Variants in ICAM2 observed in about 807,000 individuals in gnomAD.
ICAM2 encodes intercellular adhesion molecule 2.
In ICAM2, 14 loss-of-function variants were observed where a neutral mutation model predicts 19.1. That is an observed-to-expected ratio of 0.73 (90% CI 0.48 to 1.15). The LOEUF (loss-of-function observed/expected upper bound fraction) is 1.15. ICAM2 is among the 50% of genes most tolerant of loss of function. The pLI is 0.00. For missense variants in ICAM2, 311 were observed against 355.4 expected (o/e 0.88, Z 1.00); for synonymous variants, 153 against 152.7 (o/e 1.00, Z -0.01).
rs1238588394 is a variant in ICAM2 at position 64,018,760 on chromosome 17, C to T, written c.-45+1763G>A. On this transcript the variant is annotated intron_variant, in intron 1 of 4. Transcript: ENST00000579788. ...TTTTTGAGACGGGGTCTCGTTGTGT[C>T]GCCCAGGCTGGAGTGCAGTGGCGCG... is the stretch of plus-strand genomic sequence containing the variant. Among the ~76,000 whole-genome samples the T allele has an allele frequency of 1.1e-4, 13 of 116,098 alleles. No individual in the cohort carries two copies. In the South Asian group the frequency reaches 3.3e-3, roughly 30 times the overall value. The allele number at this position is 116,098 out of a possible 152,430, so 76.2% of individuals were successfully genotyped here.
chr17:64,011,115 GA>G (rs71357063), intron 1 of ICAM2, among the ~76,000 whole-genome samples: 3 of 152,034 alleles, frequency 2.0e-5, no homozygotes, highest in Admixed American at 6.6e-5. Context: ...AGAGAAAGAT[GA>G]AAAAAATAAA....
chr17:64,012,164 A>G (rs1911480225), intron 1 of ICAM2, among the ~76,000 whole-genome samples: 3 of 152,212 alleles, frequency 2.0e-5, no homozygotes. Flanking sequence ...TAAGACAGGC[A>G]TAGAAAGGCA....
chr17:64,005,553 C>G (rs1019710842), intron 2 of ICAM2, among the ~76,000 whole-genome samples, 180 bp from the exon 3 acceptor site: 9 of 152,082 alleles, frequency 5.9e-5, no homozygotes, highest in African/African-American at 2.2e-4. Flanking sequence ...AGGAGGCCAC[C>G]CCCCAGCTGG....
intron 1 of ICAM2, among the ~76,000 whole-genome samples, chr17:64,010,572 C>T (rs1474497937): frequency 2.6e-5 from 4 of 151,118 alleles, no homozygotes; most frequent in Non-Finnish European, 5.9e-5. Flanking sequence ...AATTGTGTAC[C>T]CAGCAAAACC....
chr17:64,005,476 G>A, intron 2 of ICAM2, 103 bp from the exon 3 acceptor site: 1 of 1,343,818 alleles, frequency 7.4e-7, no homozygotes, highest in Admixed American at 2.1e-5. Context: ...AGGGACTGAA[G>A]AGGAAAGGTC....
chr17:64,003,132 C>T lies in ICAM2; in HGVS notation c.650-207G>A, dbSNP rs557034380. The T allele has an allele frequency of 7.1e-6, 4 of 561,870 alleles. No homozygotes were observed. In the East Asian group the frequency reaches 1.2e-4, roughly 16 times the overall value. 34.8% of individuals were successfully genotyped at this position (561,870 alleles called of 1,614,324 possible). A position where few individuals can be genotyped will look rare whatever the true frequency, so the allele number is the denominator to read the frequency against. ...GAAAAAAGGTGGCCCAGGGCTCAGG[C>T]TACCAGCTGGACTTCTGTGTGGCTG... On this transcript the variant is annotated intron_variant, in intron 4 of 4. Transcript: ENST00000579788.
rs531177739 is a variant in ICAM2 at position 64,005,484 on chromosome 17, G to A, written c.62-111C>T. The A allele has an allele frequency of 8.7e-5, 107 of 1,229,828 alleles. No homozygotes were observed. In the East Asian group the frequency reaches 2.5e-3, roughly 29 times the overall value. The allele number at this position is 1,229,828 out of a possible 1,614,324, so 76.2% of individuals were successfully genotyped here. ...CTGGGTCAGGGACTGAAGAGGAAAG[G>A]TCATTGGGGACCCCGCTGCTACTTT... On this transcript the variant is annotated intron_variant, in intron 2 of 4. Transcript: ENST00000579788.
chr17:64,005,513 C>T (rs1333856838), intron 2 of ICAM2, 140 bp from the exon 3 acceptor site: 3 of 954,998 alleles, frequency 3.1e-6, no homozygotes, highest in South Asian at 1.7e-5. Context: ...CTACTTTCCC[C>T]TTGTCAGGTG....
intron 1 of ICAM2, 51 bp from the exon 2 acceptor site, chr17:64,006,786 C>G: frequency 1.8e-6 from 2 of 1,114,120 alleles, no homozygotes; most frequent in Non-Finnish European, 2.7e-6. Flanking sequence ...GAATCCCTAG[C>G]CTTCTGCAAA....
At chr17:64,017,867 G>GA (rs886791236) in intron 1 of ICAM2, among the ~76,000 whole-genome samples, 3 of 151,842 alleles carry the variant, frequency 2.0e-5, no homozygotes, top group Non-Finnish European at 4.4e-5. Context: ...ACCATATAGA[G>GA]AAAAAAAGGG....
chr17:64,018,742 G>GTTTTTT (rs1911821993), intron 1 of ICAM2, among the ~76,000 whole-genome samples: 1 of 77,474 alleles, frequency 1.3e-5, no homozygotes, highest in East Asian at 4.6e-4. Flanking sequence ...TTTTTTTTGA[G>GTTTTTT]ACGGGGTCTC....
At chr17:64,014,403 G>GA (rs1234720382) in intron 1 of ICAM2, among the ~76,000 whole-genome samples, 5 of 60,394 alleles carry the variant, frequency 8.3e-5, no homozygotes, top group African/African-American at 2.4e-4. Context: ...AAGGAAGGAA[G>GA]GAAGAGAAAG....
chr17:64,017,433 T>C (rs1321611673), intron 1 of ICAM2, among the ~76,000 whole-genome samples: 1 of 152,190 alleles, frequency 6.6e-6, no homozygotes, highest in Non-Finnish European at 1.5e-5. Flanking sequence ...TAATACTTTA[T>C]TGAAAAATAT....
intron 1 of ICAM2, among the ~76,000 whole-genome samples, chr17:64,009,702 C>G (rs1487993831): frequency 9.0e-5 from 1 of 11,094 alleles, no homozygotes; most frequent in Non-Finnish European, 8.9e-3. Flanking sequence ...TCAGCATGCT[C>G]TCGACCTGCT....
At chr17:64,012,205 G>GT (rs1332357154) in intron 1 of ICAM2, among the ~76,000 whole-genome samples, 2 of 152,170 alleles carry the variant, frequency 1.3e-5, no homozygotes, top group Admixed American at 1.3e-4. Context: ...GCTCACACTT[G>GT]TAATCCCAGC....
Position 64,003,799 on chromosome 17 carries a change from G to T in ICAM2, c.494C>A (p.Ala165Asp). The T allele has an allele frequency of 1.2e-6, 2 of 1,614,264 alleles. No individual in the cohort carries two copies. The highest frequency in any genetic ancestry group is 2.2e-5 in the South Asian group (2 of 91,092). ...TLHYETFGKA[A>D]PAPQEATATF... The stretch of plus-strand genomic sequence containing the variant: ...GGCTGTGGCCTCCTGCGGAGCAGGG[G>T]CTGCCTTCCCGAAGGTCTCATAGTG... The change falls in exon 4 of 5, where the codon GCC becomes GAC. Residue 165 changes from alanine (A) to aspartate (D), a missense_variant. Physicochemically the swap from Ala to Asp is moderately radical, Grantham distance 126 (BLOSUM62 -2). Transcript: ENST00000579788.
chr17:64,011,356 G>A (rs1911446060), intron 1 of ICAM2, among the ~76,000 whole-genome samples: 1 of 152,176 alleles, frequency 6.6e-6, no homozygotes, highest in Non-Finnish European at 1.5e-5. Context: ...CAGCTCCTCG[G>A]GAGGCTGAGG....
chr17:64,017,471 T>C (rs1911760249), intron 1 of ICAM2, among the ~76,000 whole-genome samples: 1 of 152,212 alleles, frequency 6.6e-6, no homozygotes, highest in Non-Finnish European at 1.5e-5. Context: ...AATGGAGAGA[T>C]AACACATGTT....
chr17:64,020,614 A>G lies in ICAM2; in HGVS notation c.-136T>C, dbSNP rs1486304058. 6.6e-6 allele frequency: 1 copy of G among 151,838 alleles called. No individual in the cohort carries two copies. Among genetic ancestry groups the G allele is most frequent in the Non-Finnish European group, 1.5e-5 (1 of 67,996 alleles). The allele number at this position is 151,838 out of a possible 1,614,324, so 9.4% of individuals were successfully genotyped here. On this transcript the variant is annotated 5_prime_UTR_variant, in exon 1 of 5. Coordinates refer to ENST00000579788, the MANE Select transcript of ICAM2 (RefSeq NM_001099789.2). ...TGCGCGTGTCACAGCTGCCCAGTTC[A>G]CGGCTTATTCAGTCTTCTCCCTCCC...
Sources: gnomAD v4.1 joint callset for allele counts (sites outside exome capture counted in the v4.1 genomes callset) on GRCh38, gnomAD v4.1.1 for gene constraint, MANE v1.5 for transcripts, NCBI Gene and HGNC (gene_info 2026-07-23, HGNC 2026-07-21) for gene names.